ACACB: variants seen among roughly 807,000 people sequenced by gnomAD.
ACACB encodes the protein acetyl-CoA carboxylase 2.
Under a neutral mutation model 278.8 loss-of-function variants are expected in ACACB, and 209 were observed. That is an observed-to-expected ratio of 0.75 (90% CI 0.67 to 0.84). The LOEUF is 0.84. Among genes scored for constraint, ACACB ranks in the 40% least tolerant of loss-of-function variants. ACACB has a pLI of 0.00. For missense variants in ACACB, 2,850 were observed against 3,269.0 expected, an observed-to-expected ratio of 0.87 and a Z score of 3.13; for synonymous variants, 1,174 against 1,285.6, an observed-to-expected ratio of 0.91 and a Z score of 1.86.
chr12:109,249,933 T>C, intron 40 of ACACB, 51 bp from the exon 41 acceptor site: 1 of 1,560,882 alleles, frequency 6.4e-7, no homozygotes, highest in Non-Finnish European at 8.7e-7. Flanking sequence ...GCATCCACCT[T>C]GGATTTTTTG....
At chr12:109,246,124 A>C (rs1330765682) in intron 38 of ACACB, 55 bp from the exon 39 acceptor site, 1 of 1,541,354 alleles carries the variant, frequency 6.5e-7, no homozygotes, top group Admixed American at 2.1e-5. Context: ...TAAAATAAAA[A>C]GTTTTCCCCC....
chr12:109,146,663 G>A (rs569197447), intron 2 of ACACB, among the ~76,000 whole-genome samples: 11 of 152,120 alleles, frequency 7.2e-5, no homozygotes, highest in South Asian at 2.1e-4. Context: ...TGTTGTCGCC[G>A]TCTTGAGATT....
intron 2 of ACACB, among the ~76,000 whole-genome samples, chr12:109,157,257 G>A (rs2043570252): frequency 7.1e-6 from 1 of 141,214 alleles, no homozygotes; most frequent in African/African-American, 2.7e-5. Flanking sequence ...AGCCCTCATA[G>A]GCCTTTCTAG....
chr12:109,194,253 T>G (rs1307313136), intron 16 of ACACB, among the ~76,000 whole-genome samples: 1 of 152,118 alleles, frequency 6.6e-6, no homozygotes, highest in African/African-American at 2.4e-5. Context: ...TGGAGTGCAG[T>G]GGCTCAACCT....
chr12:109,215,790 T>C (rs2045977767), intron 22 of ACACB, among the ~76,000 whole-genome samples: 1 of 152,098 alleles, frequency 6.6e-6, no homozygotes, highest in Non-Finnish European at 1.5e-5. Flanking sequence ...ATTTTTAAAT[T>C]AACTAATTAA....
chr12:109,234,741 G>A (rs1248567930), intron 31 of ACACB, among the ~76,000 whole-genome samples: 2 of 151,716 alleles, frequency 1.3e-5, no homozygotes, highest in Non-Finnish European at 2.9e-5. Context: ...ATAAGTGGGA[G>A]CTGAACATTG....
chr12:109,209,040 C>T, intron 20 of ACACB, 125 bp from the exon 21 acceptor site: 3 of 1,100,996 alleles, frequency 2.7e-6, no homozygotes, highest in Non-Finnish European at 2.6e-6. Flanking sequence ...GCTGCTGGGT[C>T]TGGATCTTCA....
chr12:109,247,521 C>T, intron 39 of ACACB, 85 bp from the exon 40 acceptor site: 1 of 905,248 alleles, frequency 1.1e-6, no homozygotes, highest in Non-Finnish European at 1.8e-6. Flanking sequence ...ACATCCATCC[C>T]TACGATGTTC....
chr12:109,265,292 G>A lies in ACACB; in HGVS notation c.7113+12G>A. On this transcript the variant is annotated intron_variant, in intron 51 of 52. Transcript: ENST00000338432. Reference sequence around the variant, plus strand: ...AGGGGGCTGTCAAGGTGGGCCTGGGGTGAGAACGAGGCCGGTGAGCACAGG... The same window carrying A: ...AGGGGGCTGTCAAGGTGGGCCTGGGATGAGAACGAGGCCGGTGAGCACAGG... 6.2e-7 allele frequency: 1 copy of A among 1,612,388 alleles called. No individual in the cohort carries two copies. Among genetic ancestry groups the A allele is most frequent in the South Asian group, 1.1e-5 (1 of 91,006 alleles).
At chr12:109,126,769 G>A (rs1029746568) in intron 1 of ACACB, among the ~76,000 whole-genome samples, 2 of 152,326 alleles carry the variant, frequency 1.3e-5, no homozygotes, top group African/African-American at 4.8e-5. Context: ...CACCTACAGT[G>A]TACCAGGCAT....
Position 109,166,776 on chromosome 12 carries a change from C to T in ACACB, c.654-85C>T. 9.7e-6 allele frequency: 15 copies of T among 1,538,778 alleles called. No homozygotes were observed. In the South Asian group the frequency reaches 1.7e-4, roughly 18 times the overall value. ...GGGGCTCTGGTGCAGTTTGGCTCCT[C>T]TGCTCCACTGGCTTTACAGGTGCCG... is the stretch of plus-strand genomic sequence containing the variant. On this transcript the variant is annotated intron_variant, in intron 2 of 52. Transcript: ENST00000338432.
Position 109,196,995 on chromosome 12 carries a change from C to CT in ACACB, c.2482-11dup. The CT allele has an allele frequency of 1.3e-6, 2 of 1,541,002 alleles. No individual in the cohort carries two copies. Among genetic ancestry groups the CT allele is most frequent in the Non-Finnish European group, 1.7e-6 (2 of 1,151,140 alleles). ...CCTGAACCCAGGCGGTGACAAGGGG[C>CT]TTGTCCCCACAGGTGGCCCGGCAGT... On this transcript the variant is annotated splice_polypyrimidine_tract_variant and intron_variant, in intron 16 of 52. Coordinates refer to ENST00000338432, the MANE Select transcript of ACACB (RefSeq NM_001093.4).
chr12:109,244,528 G>A (rs1388592956), intron 37 of ACACB, among the ~76,000 whole-genome samples: 2 of 152,198 alleles, frequency 1.3e-5, no homozygotes, highest in South Asian at 4.1e-4. Context: ...AGCTATAAGG[G>A]AAGAAACATG....
intron 21 of ACACB, among the ~76,000 whole-genome samples, chr12:109,210,326 T>G (rs919327458): frequency 1.7e-5 from 2 of 120,830 alleles, no homozygotes; most frequent in East Asian, 2.8e-4. Context: ...TATCTGTGTA[T>G]ATATGTATAT....
chr12:109,179,372 G>A, intron 10 of ACACB, 75 bp downstream of exon 10: 2 of 1,477,972 alleles, frequency 1.4e-6, no homozygotes, highest in Non-Finnish European at 1.8e-6. Flanking sequence ...ACTTTCTACG[G>A]TCAGTGTGGC....
At chr12:109,255,173 T>G (rs564167651) in intron 44 of ACACB, among the ~76,000 whole-genome samples, 1 of 152,188 alleles carries the variant, frequency 6.6e-6, no homozygotes, top group African/African-American at 2.4e-5. Context: ...CACACACACA[T>G]TCTCTCTCTG....
At chr12:109,167,263 C>A in intron 3 of ACACB, 1 of 367,556 alleles carries the variant, frequency 2.7e-6, no homozygotes, top group Non-Finnish European at 5.0e-6. Flanking sequence ...AGGGTGATCA[C>A]AATGACACCA....
At chr12:109,255,451 G>T (rs2047201023) in intron 44 of ACACB, among the ~76,000 whole-genome samples, 1 of 152,144 alleles carries the variant, frequency 6.6e-6, no homozygotes, top group Non-Finnish European at 1.5e-5. Flanking sequence ...CACTGAGGGG[G>T]CTGCTTATCT....
chr12:109,168,102 T>C, intron 4 of ACACB, 68 bp downstream of exon 4: 3 of 1,528,332 alleles, frequency 2.0e-6, no homozygotes, highest in Non-Finnish European at 2.7e-6. Flanking sequence ...CCTTCCCCTG[T>C]GCCTAGGCAA....
Sources: allele counts gnomAD v4.1 joint callset (sites outside exome capture counted in the v4.1 genomes callset), GRCh38; gene constraint gnomAD v4.1.1; transcripts MANE v1.5; gene names NCBI Gene and HGNC (gene_info 2026-07-23, HGNC 2026-07-21).